The following R3HCC1L variants were observed in gnomAD, a reference collection of about 807,000 sequenced individuals.
R3HCC1L encodes the protein R3H domain and coiled-coil containing 1 like.
Under a neutral mutation model 59.9 loss-of-function variants are expected in R3HCC1L, and 51 were observed. That is an observed-to-expected ratio of 0.85 (90% confidence interval 0.68 to 1.07). The LOEUF (loss-of-function observed/expected upper bound fraction) is 1.07. R3HCC1L is among the 50% of genes least tolerant of loss of function. The pLI is 0.00. For missense variants in R3HCC1L, 965 were observed against 933.0 expected (o/e 1.03, Z -0.45); for synonymous variants, 322 against 315.2 (o/e 1.02, Z -0.23).
intron 4 of R3HCC1L, among the ~76,000 whole-genome samples, chr10:98,182,035 C>T (rs948850107): frequency 1.2e-4 from 19 of 152,312 alleles, no homozygotes; most frequent in Admixed American, 3.3e-4. Context: ...AGTCATTCTC[C>T]GTCCAGCTTT....
chr10:98,159,619 T>C (rs1847204886), intron 2 of R3HCC1L, among the ~76,000 whole-genome samples: 1 of 152,222 alleles, frequency 6.6e-6, no homozygotes, highest in Non-Finnish European at 1.5e-5. Flanking sequence ...TGGTCCTTAA[T>C]TGGTGATATT....
chr10:98,192,332 A>G (rs1402987191), intron 4 of R3HCC1L, among the ~76,000 whole-genome samples: 1 of 152,142 alleles, frequency 6.6e-6, no homozygotes, highest in Non-Finnish European at 1.5e-5. Flanking sequence ...TAGGAAAATA[A>G]TAGAAAAAAG....
intron 1 of R3HCC1L, among the ~76,000 whole-genome samples, chr10:98,138,641 G>A (rs1327026502): frequency 6.6e-6 from 1 of 152,208 alleles, no homozygotes; most frequent in Non-Finnish European, 1.5e-5. Flanking sequence ...TATAGTGGAT[G>A]CTCAGTAATG....
intron 2 of R3HCC1L, among the ~76,000 whole-genome samples, chr10:98,157,233 C>G (rs1025907345): frequency 2.0e-5 from 3 of 152,096 alleles, no homozygotes; most frequent in Admixed American, 1.3e-4. Context: ...TGGTGTGGGT[C>G]TGTGTTTATT....
intron 5 of R3HCC1L, among the ~76,000 whole-genome samples, chr10:98,221,970 A>G (rs1291203453): frequency 6.6e-6 from 1 of 152,210 alleles, no homozygotes; most frequent in Admixed American, 6.5e-5. Flanking sequence ...TACCTTGGGC[A>G]GTATAGCCAT....
chr10:98,135,079 A>T (rs930311473), intron 1 of R3HCC1L, among the ~76,000 whole-genome samples: 1 of 152,172 alleles, frequency 6.6e-6, no homozygotes, highest in South Asian at 2.1e-4. Context: ...GTGGGCCCCC[A>T]GGGCTGCCGG....
chr10:98,204,166 T>C (rs1475710003), intron 4 of R3HCC1L, among the ~76,000 whole-genome samples: 3 of 152,186 alleles, frequency 2.0e-5, no homozygotes, highest in Non-Finnish European at 4.4e-5. Flanking sequence ...CCCAGCACTT[T>C]GGGAGGCCCA....
At chr10:98,162,498 CAA>C (rs1392190535) in intron 2 of R3HCC1L, among the ~76,000 whole-genome samples, 1 of 152,100 alleles carries the variant, frequency 6.6e-6, no homozygotes, top group East Asian at 1.9e-4. Flanking sequence ...GATAGCAAAA[CAA>C]AATATGTTTA....
At chr10:98,162,129 C>A (rs1168782533) in intron 2 of R3HCC1L, among the ~76,000 whole-genome samples, 1 of 151,686 alleles carries the variant, frequency 6.6e-6, no homozygotes, top group East Asian at 1.9e-4. Context: ...CAATAATATG[C>A]CTTGTAGATC....
At chr10:98,174,642 C>G in intron 4 of R3HCC1L, 1 of 985,292 alleles carries the variant, frequency 1.0e-6, no homozygotes, top group Non-Finnish European at 1.2e-6. Flanking sequence ...GAGGGCATTT[C>G]AGAAGTTGGA....
intron 4 of R3HCC1L, among the ~76,000 whole-genome samples, chr10:98,204,545 A>G (rs575380025): frequency 1.6e-4 from 25 of 152,202 alleles, no homozygotes; most frequent in Non-Finnish European, 1.5e-4. Flanking sequence ...TTTCTTGCCT[A>G]TAGTTGCAAA....
intron 4 of R3HCC1L, among the ~76,000 whole-genome samples, chr10:98,195,646 C>CCTT (rs1851355347): frequency 6.6e-6 from 1 of 151,922 alleles, no homozygotes; most frequent in Admixed American, 6.6e-5. Flanking sequence ...GTAGATTGTA[C>CCTT]CTTCCATTGT....
chr10:98,150,556 C>T (rs796360724), intron 1 of R3HCC1L, among the ~76,000 whole-genome samples: 20 of 151,516 alleles, frequency 1.3e-4, no homozygotes, highest in African/African-American at 3.4e-4. Context: ...GCCTCCTTTT[C>T]GGCACCAGCT....
chr10:98,228,760 A>G (rs1729629868), intron 5 of R3HCC1L, among the ~76,000 whole-genome samples: 1 of 152,184 alleles, frequency 6.6e-6, no homozygotes, highest in Non-Finnish European at 1.5e-5. Context: ...TAATTTTTGT[A>G]TAAGGTGTAA....
At chr10:98,174,566 T>C (rs1452627235) in intron 4 of R3HCC1L, 2 of 956,674 alleles carry the variant, frequency 2.1e-6, no homozygotes, top group Non-Finnish European at 2.5e-6. Context: ...ATGAGAGTGA[T>C]ATAACAACAA....
chr10:98,173,353 T>G (rs961245579), intron 4 of R3HCC1L, among the ~76,000 whole-genome samples: 1 of 152,152 alleles, frequency 6.6e-6, no homozygotes, highest in African/African-American at 2.4e-5. Context: ...CTTGACTGCT[T>G]TCTCTCACTG....
intron 5 of R3HCC1L, among the ~76,000 whole-genome samples, chr10:98,223,996 G>T (rs942538630): frequency 1.3e-5 from 2 of 152,176 alleles, no homozygotes; most frequent in Non-Finnish European, 2.9e-5. Flanking sequence ...AATTACGCAG[G>T]TGGGGGGTTG....
At chr10:98,234,225 G>A (rs773883576) in intron 6 of R3HCC1L, among the ~76,000 whole-genome samples, 7 of 152,132 alleles carry the variant, frequency 4.6e-5, no homozygotes, top group African/African-American at 1.4e-4. Context: ...GGCTGAGAAC[G>A]TAAAATACTC....
intron 1 of R3HCC1L, among the ~76,000 whole-genome samples, chr10:98,154,990 T>C (rs1055808351): frequency 6.6e-6 from 1 of 152,202 alleles, no homozygotes; most frequent in Admixed American, 6.5e-5. Context: ...CATTTAACAT[T>C]AGTGTTGGCC....
Sources: allele counts gnomAD v4.1 joint callset (sites outside exome capture counted in the v4.1 genomes callset), GRCh38; gene constraint gnomAD v4.1.1; transcripts MANE v1.5; gene names NCBI Gene and HGNC (gene_info 2026-07-23, HGNC 2026-07-21).